UBE3D: variants seen among roughly 807,000 people sequenced by gnomAD.
The protein encoded by UBE3D is ubiquitin protein ligase E3D.
In UBE3D, 48 loss-of-function variants were observed where a neutral mutation model predicts 49.6. The observed-to-expected ratio is 0.97, with a 90% CI of 0.77 to 1.23. The LOEUF is 1.23. Ranked by LOEUF, UBE3D falls within the 50% of genes most tolerant of loss-of-function variation. The pLI is 0.00. For synonymous variants in UBE3D, 189 were observed against 174.2 expected, an observed-to-expected ratio of 1.08 and a Z score of -0.67; for missense variants, 452 against 468.4, an observed-to-expected ratio of 0.96 and a Z score of 0.32.
chr6:82,951,970 A>T (rs1003224767), intron 9 of UBE3D, among the ~76,000 whole-genome samples: 3 of 152,278 alleles, frequency 2.0e-5, no homozygotes, highest in Non-Finnish European at 4.4e-5. Context: ...TGTATTCTGC[A>T]AACATTAATC....
chr6:82,976,719 C>T (rs2127713261), intron 8 of UBE3D, among the ~76,000 whole-genome samples: 1 of 152,294 alleles, frequency 6.6e-6, no homozygotes, highest in East Asian at 1.9e-4. Context: ...GTCTTGGAAG[C>T]ATTTCCACTT....
intron 9 of UBE3D, among the ~76,000 whole-genome samples, chr6:82,914,386 G>A (rs1392091394): frequency 1.3e-5 from 2 of 152,088 alleles, no homozygotes; most frequent in Non-Finnish European, 2.9e-5. Flanking sequence ...GTGTCAGTGA[G>A]CAAAACCAAG....
At chr6:82,930,070 T>C (rs1014235645) in intron 9 of UBE3D, among the ~76,000 whole-genome samples, 4 of 152,186 alleles carry the variant, frequency 2.6e-5, no homozygotes, top group African/African-American at 9.6e-5. Context: ...AACTGTATAA[T>C]GGGGGTGGTG....
chr6:83,060,938 G>T (rs989211998), intron 1 of UBE3D, among the ~76,000 whole-genome samples: 3 of 152,118 alleles, frequency 2.0e-5, no homozygotes. Context: ...ATGAGGAACA[G>T]GGTATTTACA....
At chr6:82,914,020 CAG>C (rs1562077920) in intron 9 of UBE3D, among the ~76,000 whole-genome samples, 1 of 152,166 alleles carries the variant, frequency 6.6e-6, no homozygotes, top group African/African-American at 2.4e-5. Flanking sequence ...GTTTAAGAGA[CAG>C]AGACACTGAG....
At chr6:82,890,453 G>A (rs909958613), downstream of UBE3D, among the ~76,000 whole-genome samples, 5 of 152,198 alleles carry the variant, frequency 3.3e-5, no homozygotes, top group African/African-American at 1.2e-4. Context: ...AACTGTGGAA[G>A]ATCCAATGGA....
intron 8 of UBE3D, among the ~76,000 whole-genome samples, chr6:82,986,600 G>T (rs1043068804): frequency 6.9e-6 from 1 of 145,940 alleles, no homozygotes; most frequent in Admixed American, 6.8e-5. Flanking sequence ...TATTGTACAT[G>T]GGGTCTTCCA....
At chr6:82,925,181 T>C (rs1014794265) in intron 9 of UBE3D, 1 of 152,222 alleles carries the variant, frequency 6.6e-6, no homozygotes, top group African/African-American at 2.4e-5. Flanking sequence ...CAGATATATC[T>C]GTAAGCAAAG....
chr6:82,980,084 G>C (rs771107761), intron 8 of UBE3D, among the ~76,000 whole-genome samples: 5 of 151,990 alleles, frequency 3.3e-5, no homozygotes, highest in African/African-American at 1.2e-4. Context: ...TGATAATAAT[G>C]ATTTATTTTC....
At chr6:82,942,817 C>T (rs1288905018) in intron 9 of UBE3D, among the ~76,000 whole-genome samples, 1 of 152,222 alleles carries the variant, frequency 6.6e-6, no homozygotes, top group Non-Finnish European at 1.5e-5. Flanking sequence ...TCTGCTAGGG[C>T]AGTGAGGAGC....
chr6:83,007,625 A>G (rs142205146), intron 8 of UBE3D, among the ~76,000 whole-genome samples: 2,636 of 152,330 alleles, frequency 0.017, 45 homozygotes, highest in Admixed American at 0.057. Context: ...TTATCCTAAC[A>G]AAGTTAAAGT....
chr6:82,974,230 C>T (rs970403269), intron 8 of UBE3D, among the ~76,000 whole-genome samples: 2 of 152,140 alleles, frequency 1.3e-5, no homozygotes, highest in African/African-American at 4.8e-5. Context: ...CCCCTACCAT[C>T]CTGGTCTGTG....
At chr6:82,939,335 T>C (rs1390105507) in intron 9 of UBE3D, among the ~76,000 whole-genome samples, 1 of 152,188 alleles carries the variant, frequency 6.6e-6, no homozygotes, top group Admixed American at 6.5e-5. Context: ...TTGCTAAAAG[T>C]AAAAATATGT....
intron 9 of UBE3D, among the ~76,000 whole-genome samples, chr6:82,939,166 G>T (rs562310591): frequency 6.6e-6 from 1 of 152,136 alleles, no homozygotes; most frequent in Admixed American, 6.5e-5. Context: ...CTGTGTTACA[G>T]ATACTGAGGT....
intron 8 of UBE3D, among the ~76,000 whole-genome samples, chr6:82,997,320 T>C (rs139756657): frequency 6.6e-4 from 101 of 152,190 alleles, no homozygotes; most frequent in Middle Eastern, 3.4e-3. Flanking sequence ...TTATGGAATA[T>C]AGGTTTAAAG....
chr6:83,029,653 T>C (rs139825147), intron 5 of UBE3D, among the ~76,000 whole-genome samples: 151 of 152,356 alleles, frequency 9.9e-4, no homozygotes, highest in African/African-American at 3.5e-3. Context: ...TAATAATTTT[T>C]AGACAGAAGC....
At chr6:83,020,342 T>TAGCG (rs1781000242) in intron 7 of UBE3D, among the ~76,000 whole-genome samples, 1 of 8,282 alleles carries the variant, frequency 1.2e-4, no homozygotes, top group East Asian at 0.025. Context: ...TGTGATACTG[T>TAGCG]TTTTTTTTTT....
At chr6:82,887,712 A>C (rs553960607), downstream of UBE3D, among the ~76,000 whole-genome samples, 270 of 145,204 alleles carry the variant, frequency 1.9e-3, 1 homozygote, top group East Asian at 6.0e-3. Flanking sequence ...CCATCCCCCC[A>C]AAAAAAAAGA....
At chr6:83,018,828 AC>A in intron 8 of UBE3D, 144 bp downstream of exon 8, 1 of 833,104 alleles carries the variant, frequency 1.2e-6, no homozygotes, top group Non-Finnish European at 1.8e-6. Flanking sequence ...CCTATTTTAA[AC>A]ATATAATATT....
Sources: gnomAD v4.1 joint callset for allele counts (sites outside exome capture counted in the v4.1 genomes callset) on GRCh38, gnomAD v4.1.1 for gene constraint, MANE v1.5 for transcripts, NCBI Gene and HGNC (gene_info 2026-07-23, HGNC 2026-07-21) for gene names.